MESP1: variants seen among roughly 807,000 people sequenced by gnomAD.
MESP1 encodes the protein mesoderm posterior protein 1.
A neutral mutation model predicts 15.2 loss-of-function variants in MESP1; 22 were observed. That is an observed-to-expected ratio of 1.45 (90% CI 1.04 to 2.07). The LOEUF (loss-of-function observed/expected upper bound fraction) is 2.07. Among genes scored for constraint, MESP1 ranks in the 30% most tolerant of loss-of-function variants. The pLI is 0.00. For missense variants in MESP1, 484 were observed against 411.9 expected, an observed-to-expected ratio of 1.17 and a Z score of -1.51; for synonymous variants, 216 against 192.6, an observed-to-expected ratio of 1.12 and a Z score of -1.01.
chr15:89,745,763 C>CAAAA (rs910060358), downstream of MESP1, among the ~76,000 whole-genome samples: 1 of 143,622 alleles, frequency 7.0e-6, no homozygotes, highest in Non-Finnish European at 1.5e-5. The surrounding 1 kb of genome is among the most constrained non-coding windows in gnomAD (Gnocchi z 4.8). Flanking sequence ...GACTCTGTGT[C>CAAAA]AAAAAAAAAA....
the MESP1 span, among the ~76,000 whole-genome samples, chr15:89,742,071 G>A: frequency 6.6e-6 from 1 of 151,766 alleles, no homozygotes; most frequent in African/African-American, 2.4e-5. Flanking sequence ...TTTTAAGATA[G>A]CATTCACCAT....
At chr15:89,735,510 A>G in the MESP1 span, 1 of 1,614,176 alleles carries the variant, frequency 6.2e-7, no homozygotes, top group Non-Finnish European at 8.5e-7. Flanking sequence ...CACCTGGATA[A>G]AACCATCTGT....
At chr15:89,747,101 T>TACACACACACAC (rs539868537), downstream of MESP1, among the ~76,000 whole-genome samples, 2 of 127,578 alleles carry the variant, frequency 1.6e-5, no homozygotes, top group South Asian at 2.7e-4. Flanking sequence ...CACTGCCACA[T>TACACACACACAC]ACACACACAC....
chr15:89,744,751 C>T, the MESP1 span, among the ~76,000 whole-genome samples: 1 of 152,208 alleles, frequency 6.6e-6, no homozygotes, highest in Non-Finnish European at 1.5e-5. Flanking sequence ...CCAGGAGTCA[C>T]ACTCTTGGTG....
At chr15:89,750,249 C>T (rs1968056526) in intron 1 of MESP1, 22 bp from the exon 2 acceptor site, 3 of 1,612,828 alleles carry the variant, frequency 1.9e-6, no homozygotes, top group Non-Finnish European at 2.5e-6. Flanking sequence ...GACGGAACAG[C>T]GCAGCCCTCA....
At chr15:89,741,575 G>A in the MESP1 span, among the ~76,000 whole-genome samples, 1 of 152,190 alleles carries the variant, frequency 6.6e-6, no homozygotes, top group African/African-American at 2.4e-5. Flanking sequence ...GATTGGCAGA[G>A]TTAAGGTCAA....
the MESP1 span, among the ~76,000 whole-genome samples, chr15:89,734,872 T>A: frequency 6.6e-6 from 1 of 152,198 alleles, no homozygotes. Context: ...CACATTTGTA[T>A]GACTGTATCT....
chr15:89,732,615 C>CCACACACACACACA, the MESP1 span, among the ~76,000 whole-genome samples: 64 of 148,560 alleles, frequency 4.3e-4, no homozygotes, highest in African/African-American at 1.5e-3. Context: ...TGTTGTTTGG[C>CCACACACACACACA]CACACACACA....
In MESP1 at chr15:89,751,075, C is replaced by CACGGGGCTCAG; in HGVS notation, c.156_157insCTGAGCCCCGT (p.Ala53LeufsTer21). ...AGGGTGCCTGGCCGCGCGGGGCTCG[C>CACGGGGCTCAG]CACGGGGCTGTCGGCTGGGGTGCTG... On this transcript the variant is annotated frameshift_variant, in exon 1 of 2. Transcript: ENST00000300057. LOFTEE classifies it high-confidence loss of function. 7.6e-7 allele frequency: 1 copy of CACGGGGCTCAG among 1,316,372 alleles called. No individual in the cohort carries two copies. The allele number at this position is 1,316,372 out of a possible 1,614,324, so 81.5% of individuals were successfully genotyped here.
At chr15:89,747,557 C>A (rs186614931), downstream of MESP1, among the ~76,000 whole-genome samples, 1 of 152,334 alleles carries the variant, frequency 6.6e-6, no homozygotes, top group Non-Finnish European at 1.5e-5. Flanking sequence ...GGGGCCTGGC[C>A]CAGACCACTC....
the MESP1 span, among the ~76,000 whole-genome samples, chr15:89,740,942 C>G: frequency 6.6e-6 from 1 of 152,016 alleles, no homozygotes; most frequent in Non-Finnish European, 1.5e-5. Context: ...GCGTTCGAGA[C>G]CAGGCTGGCC....
At chr15:89,740,563 G>A in the MESP1 span, among the ~76,000 whole-genome samples, 15 of 152,216 alleles carry the variant, frequency 9.9e-5, no homozygotes, top group Non-Finnish European at 2.2e-4. Flanking sequence ...GTGCACTGGC[G>A]CGATCTCGGC....
intron 1 of MESP1, 91 bp downstream of exon 1, chr15:89,750,418 G>C: frequency 6.9e-7 from 1 of 1,457,570 alleles, no homozygotes; most frequent in Non-Finnish European, 9.0e-7. Context: ...TGCCGGCGGG[G>C]AGCAGCAGGG....
the MESP1 span, among the ~76,000 whole-genome samples, chr15:89,734,841 A>T: frequency 5.6e-4 from 85 of 152,058 alleles, 1 homozygote; most frequent in Middle Eastern, 6.8e-3. Context: ...AAAAATTATT[A>T]AAAAAAGAAA....
At chr15:89,734,026 T>A in the MESP1 span, among the ~76,000 whole-genome samples, 2 of 152,032 alleles carry the variant, frequency 1.3e-5, no homozygotes, top group South Asian at 4.2e-4. Context: ...CGCGCGCATG[T>A]GTGTACGTGT....
At chr15:89,743,296 C>A in the MESP1 span, 3 of 1,614,136 alleles carry the variant, frequency 1.9e-6, no homozygotes, top group Admixed American at 3.3e-5. Context: ...CCTCAGCTAT[C>A]GGAAGCTGGA....
rs1212639171 is a variant in MESP1 at position 89,751,026 on chromosome 15, A to G, written c.206T>C (p.Val69Ala). The G allele has an allele frequency of 2.7e-5, 36 of 1,351,530 alleles. No individual in the cohort carries two copies. Among genetic ancestry groups the G allele is most frequent in the Admixed American group, 4.0e-5 (1 of 24,820 alleles). 83.7% of individuals were successfully genotyped at this position (1,351,530 alleles called of 1,614,324 possible). ...GTLRDPRAPS[V>A]GRRGARSSRL... is the part of the protein sequence containing the mutation. ...GCTGCTGCGCGCGCCGCGCCTACCT[A>G]CGGAGGGGGCGCGGGGGTCCCGGAG... Residue 69 changes from valine (V) to alanine (A), a missense_variant, in exon 1 of 2, where the codon GTA becomes GCA. Coordinates refer to ENST00000300057, the MANE Select transcript of MESP1 (RefSeq NM_018670.4).
chr15:89,743,937 T>C, the MESP1 span, among the ~76,000 whole-genome samples: 2 of 152,122 alleles, frequency 1.3e-5, no homozygotes, highest in Admixed American at 6.5e-5. Context: ...GAGGGAGAGG[T>C]GGCAGGCAGG....
the MESP1 span, among the ~76,000 whole-genome samples, chr15:89,742,454 G>A: frequency 1.3e-5 from 2 of 151,996 alleles, no homozygotes; most frequent in East Asian, 3.9e-4. Context: ...GTCTCTGTGT[G>A]CACTCTGAGG....
Sources: allele counts gnomAD v4.1 joint callset (sites outside exome capture counted in the v4.1 genomes callset), GRCh38; gene constraint gnomAD v4.1.1; non-coding constraint Gnocchi (gnomAD v3.1); transcripts MANE v1.5; gene names NCBI Gene and HGNC (gene_info 2026-07-23, HGNC 2026-07-21).